Variants in TRAPPC13 observed in about 807,000 individuals in gnomAD.
TRAPPC13 encodes the protein trafficking protein particle complex subunit 13, also known as REV7-interacting novel NHEJ regulator 1.
Under a neutral mutation model 54.0 loss-of-function variants are expected in TRAPPC13, and 39 were observed. That is an observed-to-expected ratio of 0.72 (90% CI 0.56 to 0.94). TRAPPC13 has a LOEUF of 0.94. Among genes scored for constraint, TRAPPC13 ranks in the 40% least tolerant of loss-of-function variants. TRAPPC13 has a pLI of 0.00. For missense variants in TRAPPC13, 386 were observed against 488.1 expected (o/e 0.79, Z 1.97); for synonymous variants, 148 against 167.7 (o/e 0.88, Z 0.91).
At chr5:65,651,639 A>T (rs1756440051) in intron 6 of TRAPPC13, among the ~76,000 whole-genome samples, 1 of 100,012 alleles carries the variant, frequency 1.0e-5, no homozygotes, top group African/African-American at 3.2e-5. Context: ...GGTTTAGCAC[A>T]TTTATGTGGG....
At position 65,643,556 on chromosome 5, in the gene TRAPPC13, T is replaced by C. The variant is rs926132638; in HGVS notation, c.301-3499T>C. On this transcript the variant is annotated intron_variant, in intron 4 of 12. Transcript: ENST00000399438. Reference sequence around the variant, plus strand: ...TGTTTCGGCTGGGTGGGGTGGCTCATGCCTGTAATCCCAGCACTTTGGGAG... The same window carrying C: ...TGTTTCGGCTGGGTGGGGTGGCTCACGCCTGTAATCCCAGCACTTTGGGAG... Among the ~76,000 whole-genome samples, 17 of 152,048 alleles carry C rather than the reference T, an allele frequency of 1.1e-4. No individual in the cohort carries two copies. In the East Asian group the frequency reaches 1.5e-3, roughly 14 times the overall value.
chr5:65,625,304 A>T (rs1755159278), intron 1 of TRAPPC13, 198 bp downstream of exon 1: 1 of 587,042 alleles, frequency 1.7e-6, no homozygotes, highest in Non-Finnish European at 3.0e-6. Context: ...AACGAAATAG[A>T]TACCTGGTAA....
At chr5:65,652,345 T>TC in intron 6 of TRAPPC13, among the ~76,000 whole-genome samples, 156 bp from the exon 7 acceptor site, 1 of 148,896 alleles carries the variant, frequency 6.7e-6, no homozygotes, top group Middle Eastern at 3.4e-3. Context: ...TTTTCTTTTT[T>TC]TTTTTTTTTT....
chr5:65,663,619 G>A (rs932939981), intron 11 of TRAPPC13: 1 of 152,156 alleles, frequency 6.6e-6, no homozygotes, highest in Non-Finnish European at 1.5e-5. Context: ...TTCATTATGA[G>A]CCTTTTGGTT....
Position 65,629,461 on chromosome 5 carries a change from A to G in TRAPPC13, c.46+4355A>G, listed in dbSNP as rs1280095386. 1.1e-5 allele frequency: 16 copies of G among 1,419,980 alleles called. No homozygotes were observed. In the South Asian group the frequency reaches 2.4e-4, roughly 21 times the overall value. 88.0% of individuals were successfully genotyped at this position (1,419,980 alleles called of 1,614,324 possible). On this transcript the variant is annotated intron_variant, in intron 1 of 12. Transcript: ENST00000399438. ...ATATCTTATTCTTTGCAATACTTCT[A>G]CTTTAGGTCCTGTTTCCCTCTGATT...
rs200420260 is a variant in TRAPPC13, at chr5:65,662,142, A to G, written c.990A>G (p.Thr330=). ...EEPFHITCKI[T]NCSERTMDLV... ...CTTTTCATATTACCTGTAAAATAAC[A>G]AACTGCAGGTAATGCCACTGTTTGT... Residue 330 remains threonine (T), a synonymous_variant, in exon 11 of 13, where the codon ACA becomes ACG. Transcript: ENST00000399438. The G allele has an allele frequency of 6.2e-7, 1 of 1,603,580 alleles. No individual in the cohort carries two copies. Among genetic ancestry groups the G allele is most frequent in the Non-Finnish European group, 8.5e-7 (1 of 1,175,216 alleles).
intron 5 of TRAPPC13, among the ~76,000 whole-genome samples, chr5:65,650,405 G>A (rs900907457): frequency 2.6e-5 from 4 of 151,794 alleles, no homozygotes; most frequent in South Asian, 2.1e-4. Context: ...CAAGTGATCC[G>A]CCCGCCTTGA....
chr5:65,638,460 GGATACA>G (rs1755846259), intron 4 of TRAPPC13, among the ~76,000 whole-genome samples: 1 of 152,136 alleles, frequency 6.6e-6, no homozygotes, highest in Admixed American at 6.5e-5. Context: ...AAGAATGGGA[GGATACA>G]GATAACAAGG....
At position 65,626,881 on chromosome 5, in the gene TRAPPC13, C is replaced by A. The variant is rs571703334; in HGVS notation, c.46+1775C>A. On this transcript the variant is annotated intron_variant, in intron 1 of 12. Transcript: ENST00000399438. ...AGCCTAAGCCAGGCGTGGTGGCTCA[C>A]GCCTGTAATAGCACTTTGGGAGGCC... is the stretch of plus-strand genomic sequence containing the variant. Among the ~76,000 whole-genome samples the A allele has an allele frequency of 9.1e-4, 138 of 152,138 alleles. 2 individuals carry two copies. The highest frequency in any genetic ancestry group is 7.7e-3 in the South Asian group (37 of 4,820).
chr5:65,627,352 A>G (rs1409141616), intron 1 of TRAPPC13, among the ~76,000 whole-genome samples: 1 of 152,022 alleles, frequency 6.6e-6, no homozygotes, highest in East Asian at 1.9e-4. Flanking sequence ...TTATCTTTTA[A>G]TATGTAAAAT....
chr5:65,665,346 A>G lies in TRAPPC13; in HGVS notation c.*735A>G, dbSNP rs969398685. Reference sequence around the variant, plus strand: ...TTTCCTAGCTATTCGGTCAGCAGAAAAAGTTTGCTTAAAACAAAGGGGGTA... The same window carrying G: ...TTTCCTAGCTATTCGGTCAGCAGAAGAAGTTTGCTTAAAACAAAGGGGGTA... On this transcript the variant is annotated 3_prime_UTR_variant, in exon 13 of 13. Coordinates refer to ENST00000399438, the MANE Select transcript of TRAPPC13 (RefSeq NM_024941.4). 10 of 152,192 alleles carry G rather than the reference A, an allele frequency of 6.6e-5. No homozygotes were observed. Among genetic ancestry groups the G allele is most frequent in the Non-Finnish European group, 1.5e-4 (10 of 68,040 alleles). The allele number at this position is 152,192 out of a possible 1,614,324, so 9.4% of individuals were successfully genotyped here.
intron 4 of TRAPPC13, among the ~76,000 whole-genome samples, chr5:65,638,762 T>C (rs966922774): frequency 1.3e-5 from 2 of 152,108 alleles, no homozygotes; most frequent in Non-Finnish European, 2.9e-5. Context: ...GAGAGAGAGC[T>C]TGTGCGGGGA....
At chr5:65,632,020 ACAC>A (rs1561762620) in intron 1 of TRAPPC13, among the ~76,000 whole-genome samples, 1 of 152,144 alleles carries the variant, frequency 6.6e-6, no homozygotes, top group African/African-American at 2.4e-5. Context: ...GAAATAGAAA[ACAC>A]CAACTGGTAC....
rs911131466 is a variant in TRAPPC13, at chr5:65,666,219, G to C, written c.*1608G>C. ...CTGTTTTAAATCTAAAAAGTAAAAT[G>C]ATGGTCACTTGGAATCTGCTCTATA... On this transcript the variant is annotated 3_prime_UTR_variant, in exon 13 of 13. Transcript: ENST00000399438. The C allele has an allele frequency of 6.6e-6, 1 of 152,196 alleles. No individual in the cohort carries two copies. Among genetic ancestry groups the C allele is most frequent in the African/African-American group, 2.4e-5 (1 of 41,454 alleles). The allele number at this position is 152,196 out of a possible 1,614,324, so 9.4% of individuals were successfully genotyped here. A position where few individuals can be genotyped will look rare whatever the true frequency, so the allele number is the denominator to read the frequency against.
chr5:65,626,809 T>C (rs1000971189), intron 1 of TRAPPC13, among the ~76,000 whole-genome samples: 6 of 151,504 alleles, frequency 4.0e-5, no homozygotes, highest in African/African-American at 1.5e-4. Context: ...TTTTCTGTTA[T>C]TCTTTTTTTT....
chr5:65,647,344 T>C (rs1332912845), intron 5 of TRAPPC13, among the ~76,000 whole-genome samples, 162 bp downstream of exon 5: 1 of 152,186 alleles, frequency 6.6e-6, no homozygotes, highest in Non-Finnish European at 1.5e-5. Context: ...TTAAACCAAA[T>C]GTTTGTTTTG....
chr5:65,629,990 T>C, intron 1 of TRAPPC13: 1 of 1,535,930 alleles, frequency 6.5e-7, no homozygotes, highest in Non-Finnish European at 8.7e-7. Context: ...TTGGAGTATT[T>C]CCCTTCCCAG....
chr5:65,653,666 A>G (rs562987157), intron 7 of TRAPPC13, among the ~76,000 whole-genome samples: 1 of 152,312 alleles, frequency 6.6e-6, no homozygotes, highest in African/African-American at 2.4e-5. Flanking sequence ...TCTGAAAGGA[A>G]TGCAGGTTGG....
chr5:65,636,426 G>A (rs1276383364), intron 3 of TRAPPC13, among the ~76,000 whole-genome samples: 2 of 151,900 alleles, frequency 1.3e-5, no homozygotes, highest in Non-Finnish European at 2.9e-5. Flanking sequence ...GCAGGCATGA[G>A]CCACCACGCC....
Sources: gnomAD v4.1 joint callset for allele counts (sites outside exome capture counted in the v4.1 genomes callset) on GRCh38, gnomAD v4.1.1 for gene constraint, MANE v1.5 for transcripts, NCBI Gene and HGNC (gene_info 2026-07-23, HGNC 2026-07-21) for gene names.